Variants in BNIP3 observed in about 807,000 individuals in gnomAD.
BNIP3 encodes BCL2/adenovirus E1B 19 kDa protein-interacting protein 3.
A neutral mutation model predicts 23.9 loss-of-function variants in BNIP3; 16 were observed. The ratio of observed to expected loss-of-function variants is 0.67; its 90% CI spans 0.45 to 1.01. BNIP3 has a LOEUF of 1.01. BNIP3 is among the 50% of genes least tolerant of loss of function. The pLI, the probability that BNIP3 is intolerant of heterozygous loss-of-function variation, is 0.00. For missense variants in BNIP3, 198 were observed against 248.7 expected (o/e 0.80, Z 1.37); for synonymous variants, 81 against 89.3 (o/e 0.91, Z 0.53).
rs45449101 is a variant in BNIP3, at chr10:131,972,489, A to G, written c.282+545T>C. Among the ~76,000 whole-genome samples the G allele has an allele frequency of 6.1e-3, 923 of 152,354 alleles. 9 individuals carry two copies. The highest frequency in any genetic ancestry group is 0.021 in the African/African-American group (858 of 41,576). On this transcript the variant is annotated intron_variant, in intron 3 of 5. Transcript: ENST00000368636. ...CACCAGTTAGCTCAGGACTAATGCT[A>G]GGAAAGGCACAGGGTGTAATTTCCG...
intron 1 of BNIP3, among the ~76,000 whole-genome samples, chr10:131,975,139 C>A (rs1464102887): frequency 1.3e-5 from 2 of 152,206 alleles, no homozygotes; most frequent in African/African-American, 4.8e-5. Flanking sequence ...ATGACAGTCA[C>A]ATTTAGATCC....
At chr10:131,968,653 G>A in intron 5 of BNIP3, 84 bp from the exon 6 acceptor site, 1 of 1,249,894 alleles carries the variant, frequency 8.0e-7, no homozygotes, top group Non-Finnish European at 1.2e-6. Context: ...AGCTCACTGT[G>A]GTTAGAGCTT....
At chr10:131,972,454 A>G (rs1250972088) in intron 3 of BNIP3, among the ~76,000 whole-genome samples, 4 of 152,218 alleles carry the variant, frequency 2.6e-5, no homozygotes, top group Non-Finnish European at 5.9e-5. Flanking sequence ...CTAATGCTAC[A>G]CTGCTCCGGC....
At position 131,972,973 on chromosome 10, in the gene BNIP3, C is replaced by T. The variant is rs1293218051; in HGVS notation, c.282+61G>A. ...TGAGGTGCTCAATTACATTTAAAAC[C>T]GTTTCCTGTACAAACAGATCACAAA... On this transcript the variant is annotated intron_variant, in intron 3 of 5. Transcript: ENST00000368636. 9 of 1,519,346 alleles carry T rather than the reference C, an allele frequency of 5.9e-6. No individual in the cohort carries two copies. The East Asian group carries it at 6.8e-5, about 11-fold the overall frequency. 94.1% of individuals were successfully genotyped at this position (1,519,346 alleles called of 1,614,324 possible). A position where few individuals can be genotyped will look rare whatever the true frequency, so the allele number is the denominator to read the frequency against.
chr10:131,977,101 C>T (rs1360053853), intron 1 of BNIP3, among the ~76,000 whole-genome samples: 5 of 152,006 alleles, frequency 3.3e-5, no homozygotes, highest in Admixed American at 6.6e-5. Context: ...GGTGAAACCC[C>T]GTCTCTACTA....
At chr10:131,977,288 C>T (rs1365270976) in intron 1 of BNIP3, among the ~76,000 whole-genome samples, 1 of 152,004 alleles carries the variant, frequency 6.6e-6, no homozygotes, top group African/African-American at 2.4e-5. Flanking sequence ...AAAAAAAAGA[C>T]ACTGCTCAGG....
At position 131,970,462 on chromosome 10, in the gene BNIP3, G is replaced by A. The variant is rs1390641794; in HGVS notation, c.539+176C>T. ...CAGGGCGCCTGTGCTGGGGCCTTTG[G>A]GGGCTGCAGGCTGGTGGTTTCTGGA... On this transcript the variant is annotated intron_variant, in intron 5 of 5. Coordinates refer to ENST00000368636, the MANE Select transcript of BNIP3 (RefSeq NM_004052.4). The surrounding 1 kb of genome is among the most constrained non-coding windows in gnomAD (Gnocchi z 4.1). 2 of 931,192 alleles carry A rather than the reference G, an allele frequency of 2.1e-6. No individual in the cohort carries two copies. Among genetic ancestry groups the A allele is most frequent in the Non-Finnish European group, 1.6e-6 (1 of 639,166 alleles). The allele number at this position is 931,192 out of a possible 1,614,324, so 57.7% of individuals were successfully genotyped here.
At chr10:131,973,350 C>A in intron 2 of BNIP3, 1 of 526,244 alleles carries the variant, frequency 1.9e-6, no homozygotes, top group Non-Finnish European at 3.4e-6. Flanking sequence ...GCAGGGGCAA[C>A]TGGCAAGCAG....
At chr10:131,977,136 G>C (rs2037083900) in intron 1 of BNIP3, among the ~76,000 whole-genome samples, 1 of 152,224 alleles carries the variant, frequency 6.6e-6, no homozygotes, top group Non-Finnish European at 1.5e-5. Flanking sequence ...GCTGGGCGTG[G>C]TGGGCGCCTG....
chr10:131,976,694 C>T lies in BNIP3; in HGVS notation c.47-2751G>A, dbSNP rs1197689273. On this transcript the variant is annotated intron_variant, in intron 1 of 5. Transcript: ENST00000368636. This position sits in a 1 kb window ranked among gnomAD's most constrained non-coding sequence, Gnocchi z 4.3. ...ACCCTAACCCCAACCATGCTACCCG[C>T]ACCTCATGGCTCCCCCATCTCCATC... 1.3e-5 allele frequency among the ~76,000 whole-genome samples: 2 copies of T among 152,092 alleles called. No homozygotes were observed. The highest frequency in any genetic ancestry group is 4.8e-5 in the African/African-American group (2 of 41,392).
intron 1 of BNIP3, among the ~76,000 whole-genome samples, chr10:131,974,465 A>G (rs886550458): frequency 3.9e-5 from 6 of 152,192 alleles, no homozygotes; most frequent in Non-Finnish European, 8.8e-5. Context: ...AAGGCTCACT[A>G]TAATCTCAAA....
chr10:131,970,503 C>A lies in BNIP3; in HGVS notation c.539+135G>T, dbSNP rs919966254. ...GGTTTCTGGACCTGAACAGTGACTA[C>A]GTGGGTGTTTGTGAAAATGCACCAA... On this transcript the variant is annotated intron_variant, in intron 5 of 5. Transcript: ENST00000368636. This position sits in a 1 kb window ranked among gnomAD's most constrained non-coding sequence, Gnocchi z 4.1. The A allele has an allele frequency of 2.0e-5, 25 of 1,281,110 alleles. No individual in the cohort carries two copies. Among genetic ancestry groups the A allele is most frequent in the Admixed American group, 7.1e-5 (3 of 42,312 alleles). The allele number at this position is 1,281,110 out of a possible 1,614,324, so 79.4% of individuals were successfully genotyped here.
At chr10:131,975,744 C>T (rs140738529) in intron 1 of BNIP3, among the ~76,000 whole-genome samples, 10 of 152,346 alleles carry the variant, frequency 6.6e-5, no homozygotes, top group African/African-American at 2.4e-4. Flanking sequence ...GCAACTTATG[C>T]CATCAACAGT....
At chr10:131,969,195 G>C (rs1279831025) in intron 5 of BNIP3, 1 of 152,444 alleles carries the variant, frequency 6.6e-6, no homozygotes, top group Non-Finnish European at 1.5e-5. Context: ...TTTCGGGGCA[G>C]ATTTTATCGT....
chr10:131,978,214 C>G (rs1232141567), intron 1 of BNIP3, among the ~76,000 whole-genome samples: 1 of 152,060 alleles, frequency 6.6e-6, no homozygotes, highest in Admixed American at 6.6e-5. Context: ...ACAAGACACA[C>G]AGCCAGTAAA....
At chr10:131,979,149 T>C (rs2037100469) in intron 1 of BNIP3, among the ~76,000 whole-genome samples, 2 of 152,240 alleles carry the variant, frequency 1.3e-5, no homozygotes, top group African/African-American at 4.8e-5. Context: ...TGCAGAGACC[T>C]TGGCTTCTCC....
At chr10:131,971,307 A>C (rs1046122235) in intron 3 of BNIP3, 7 of 327,830 alleles carry the variant, frequency 2.1e-5, no homozygotes, top group Non-Finnish European at 4.0e-5. Flanking sequence ...ATGAGGGCAA[A>C]GATGGTGACG....
rs1452320116 is a variant in BNIP3, at chr10:131,970,213, TGA to T, written c.539+423_539+424del. 5.5e-6 allele frequency: 1 copy of T among 180,358 alleles called. No individual in the cohort carries two copies. The highest frequency in any genetic ancestry group is 1.2e-5 in the Non-Finnish European group (1 of 86,688). The allele number at this position is 180,358 out of a possible 1,614,324, so 11.2% of individuals were successfully genotyped here. On this transcript the variant is annotated intron_variant, in intron 5 of 5. Coordinates refer to ENST00000368636, the MANE Select transcript of BNIP3 (RefSeq NM_004052.4). This position sits in a 1 kb window ranked among gnomAD's most constrained non-coding sequence, Gnocchi z 4.1. ...GAGACTGCATTGGTTCCTTCATTGCTGAGAGTTACTAGAACAACAGTCCTGTC... is the reference window on the plus strand; with the variant it reads ...GAGACTGCATTGGTTCCTTCATTGCTGAGTTACTAGAACAACAGTCCTGTC...
At chr10:131,977,044 G>A (rs1033286676) in intron 1 of BNIP3, among the ~76,000 whole-genome samples, 9 of 152,062 alleles carry the variant, frequency 5.9e-5, no homozygotes, top group East Asian at 1.9e-4. Context: ...AGGCCGAGGC[G>A]GGCAGATCAT....
Sources: allele counts gnomAD v4.1 joint callset (sites outside exome capture counted in the v4.1 genomes callset), GRCh38; gene constraint gnomAD v4.1.1; non-coding constraint Gnocchi (gnomAD v3.1); transcripts MANE v1.5; gene names NCBI Gene and HGNC (gene_info 2026-07-23, HGNC 2026-07-21).